The following HERC1 variants were observed in gnomAD, a reference collection of about 807,000 sequenced individuals.
The protein encoded by HERC1 is probable E3 ubiquitin-protein ligase HERC1.
HERC1 carries 160 observed loss-of-function variants against 554.3 expected under a neutral mutation model. The observed-to-expected ratio is 0.29, with a 90% CI of 0.25 to 0.33. HERC1 has a LOEUF of 0.33. Among genes scored for constraint, HERC1 ranks in the 10% least tolerant of loss-of-function variants. The pLI is 1.00. For missense variants in HERC1, 4,919 were observed against 5,918.5 expected, an observed-to-expected ratio of 0.83 and a Z score of 5.54; for synonymous variants, 2,175 against 2,131.7, an observed-to-expected ratio of 1.02 and a Z score of -0.56.
At chr15:63,673,036 AACT>A (rs2071016394) in intron 38 of HERC1, among the ~76,000 whole-genome samples, 1 of 152,190 alleles carries the variant, frequency 6.6e-6, no homozygotes, top group Non-Finnish European at 1.5e-5. Context: ...CAATCATTAA[AACT>A]GTGTTTCCTT....
Position 63,674,681 on chromosome 15 carries a change from T to C in HERC1, c.7507A>G (p.Ile2503Val), listed in dbSNP as rs534105114. 3 of 1,613,866 alleles carry C rather than the reference T, an allele frequency of 1.9e-6. No individual in the cohort carries two copies. The highest frequency in any genetic ancestry group is 1.6e-4 in the Middle Eastern group (1 of 6,062). ...SKNHDVAQSEIRAVQLSYLYL... is the reference protein window; with the variant it reads ...SKNHDVAQSEVRAVQLSYLYL... ...AGATAGGACAGCTGGACTGCTCTGA[T>C]TTCTGACTGGGCTACATCATGGTTT... is the stretch of plus-strand genomic sequence containing the variant. The change falls in exon 38 of 78, where the codon ATC (isoleucine) becomes GTC (valine). Residue 2503 changes from isoleucine (I) to valine (V), a missense_variant. Physicochemically the swap from Ile to Val is conservative, Grantham distance 29. Transcript: ENST00000443617.
chr15:63,684,673 G>A (rs2071651475), intron 34 of HERC1, among the ~76,000 whole-genome samples: 1 of 152,116 alleles, frequency 6.6e-6, no homozygotes, highest in South Asian at 2.1e-4. Flanking sequence ...CTGTTTTTCA[G>A]AACTGTTCCT....
At chr15:63,799,585 T>A (rs1184081259) in intron 1 of HERC1, among the ~76,000 whole-genome samples, 1 of 151,968 alleles carries the variant, frequency 6.6e-6, no homozygotes, top group Non-Finnish European at 1.5e-5. Flanking sequence ...ACAAAACCCC[T>A]GGAAGAAAAT....
intron 24 of HERC1, among the ~76,000 whole-genome samples, chr15:63,709,628 T>A (rs145971585): frequency 3.9e-5 from 6 of 152,224 alleles, no homozygotes; most frequent in African/African-American, 1.4e-4. Flanking sequence ...TCAGATTTCA[T>A]AGCTGATTTC....
Position 63,633,923 on chromosome 15 carries a change from G to A in HERC1, c.12618C>T (p.Ser4206=). The A allele has an allele frequency of 1.9e-6, 3 of 1,613,850 alleles. No individual in the cohort carries two copies. The highest frequency in any genetic ancestry group is 2.5e-6 in the Non-Finnish European group (3 of 1,179,826). ...CTCCATCTCCAAAAGCCCACACCATGGAACCATCTGCTGACACTGCCAAAG... is the reference window on the plus strand; with the variant it reads ...CTCCATCTCCAAAAGCCCACACCATAGAACCATCTGCTGACACTGCCAAAG... ...NHTLAVSADG[S]MVWAFGDGDY... Residue 4206 remains serine, a synonymous_variant, in exon 67 of 78, where the codon TCC becomes TCT. Coordinates refer to ENST00000443617, the MANE Select transcript of HERC1 (RefSeq NM_003922.4).
chr15:63,689,450 GGAAAGGGAGACAGAATGCCAA>G, intron 33 of HERC1, 118 bp downstream of exon 33: 1 of 576,072 alleles, frequency 1.7e-6, no homozygotes, highest in Non-Finnish European at 3.1e-6. Context: ...GGGAATCAGT[GGAAAGGGAGACAGAATGCCAA>G]GAGAGGAAAT....
chr15:63,721,865 G>A (rs533354129), intron 19 of HERC1, among the ~76,000 whole-genome samples: 1 of 152,100 alleles, frequency 6.6e-6, no homozygotes, highest in Non-Finnish European at 1.5e-5. Context: ...CTTTGTTGTT[G>A]TTGCTTGTTT....
intron 37 of HERC1, among the ~76,000 whole-genome samples, chr15:63,675,654 C>G (rs1365897593): frequency 1.3e-5 from 2 of 152,206 alleles, no homozygotes; most frequent in East Asian, 1.9e-4. Context: ...AAAAAGTTTA[C>G]TTTGTAGTCT....
chr15:63,680,801 T>C lies in HERC1; in HGVS notation c.6226-25A>G. 1 of 1,545,550 alleles carries C rather than the reference T, an allele frequency of 6.5e-7. No individual in the cohort carries two copies. The highest frequency in any genetic ancestry group is 8.9e-7 in the Non-Finnish European group (1 of 1,118,264). On this transcript the variant is annotated intron_variant, in intron 34 of 77. Transcript: ENST00000443617. The surrounding 1 kb of genome is among the most constrained non-coding windows in gnomAD (Gnocchi z 5.8). ...ACTAAAATAAAAGTGGGATATTCAT[T>C]AATACTCAAAAAATCTATTTATATA...
In HERC1 at chr15:63,720,103, C is replaced by CTTTTTTTTTTTTT. The variant is rs573648232; in HGVS notation, c.3743-1219_3743-1207dup. On this transcript the variant is annotated intron_variant, in intron 19 of 77. Transcript: ENST00000443617. ...GGACTAGTCAGGTGCTTTTTCTTCC[C>CTTTTTTTTTTTTT]TTTTTTTTTTTTTTTAAGAGACAGG... 3.4e-3 allele frequency among the ~76,000 whole-genome samples: 245 copies of CTTTTTTTTTTTTT among 71,564 alleles called. 62 individuals are homozygous for CTTTTTTTTTTTTT. Among genetic ancestry groups the CTTTTTTTTTTTTT allele is most frequent in the African/African-American group, 0.013 (215 of 16,582 alleles). The allele number at this position is 71,564 out of a possible 152,430, so 46.9% of individuals were successfully genotyped here. A position where few individuals can be genotyped will look rare whatever the true frequency, so the allele number is the denominator to read the frequency against.
At chr15:63,772,128 A>C (rs1264326768) in intron 2 of HERC1, among the ~76,000 whole-genome samples, 2 of 152,082 alleles carry the variant, frequency 1.3e-5, no homozygotes, top group African/African-American at 4.8e-5. Flanking sequence ...ATCTCAAAAA[A>C]AAAAAGGGAA....
chr15:63,661,280 C>A (rs2070344005), intron 45 of HERC1, among the ~76,000 whole-genome samples: 1 of 152,202 alleles, frequency 6.6e-6, no homozygotes, highest in Non-Finnish European at 1.5e-5. Flanking sequence ...TAACCAAATT[C>A]TATTCCATAA....
In HERC1 at chr15:63,608,758, T is replaced by A. The variant is rs182252541; in HGVS notation, c.*323A>T. 4.7e-6 allele frequency: 1 copy of A among 213,080 alleles called. No homozygotes were observed. Among genetic ancestry groups the A allele is most frequent in the South Asian group, 9.0e-5 (1 of 11,050 alleles). The allele number at this position is 213,080 out of a possible 1,614,324, so 13.2% of individuals were successfully genotyped here. A position where few individuals can be genotyped will look rare whatever the true frequency, so the allele number is the denominator to read the frequency against. The stretch of plus-strand genomic sequence containing the variant: ...TTATACACAATGTACAATTTCATGT[T>A]CACTGGGTGGATTTACAAAAATGTA... On this transcript the variant is annotated 3_prime_UTR_variant, in exon 78 of 78. Coordinates refer to ENST00000443617, the MANE Select transcript of HERC1 (RefSeq NM_003922.4).
At chr15:63,744,110 CTGTGTGTGTGTGTGTGTGTGTG>C (rs142936354) in intron 12 of HERC1, among the ~76,000 whole-genome samples, 157 of 93,420 alleles carry the variant, frequency 1.7e-3, no homozygotes, top group African/African-American at 6.8e-3. Flanking sequence ...CCCAAACAGA[CTGTGTGTGTGTGTGTGTGTGTG>C]TGTGTGTGTG....
chr15:63,791,700 A>T (rs919920005), intron 1 of HERC1, among the ~76,000 whole-genome samples: 13 of 152,208 alleles, frequency 8.5e-5, no homozygotes, highest in African/African-American at 3.1e-4. Flanking sequence ...TTCGATGTCT[A>T]AATGTTTTAA....
chr15:63,786,884 T>C (rs2076465131), intron 1 of HERC1, among the ~76,000 whole-genome samples: 1 of 152,146 alleles, frequency 6.6e-6, no homozygotes, highest in African/African-American at 2.4e-5. Context: ...AGATGGTTAA[T>C]TGTACGTGAT....
In HERC1 at chr15:63,689,612, T is replaced by G; in HGVS notation, c.6025A>C (p.Lys2009Gln). The change falls in exon 33 of 78, where the codon AAA (lysine) becomes CAA (glutamine). Residue 2009 changes from lysine (K) to glutamine (Q), a missense_variant. By Grantham distance (53) the Lys-to-Gln change is moderately conservative. Around this residue, in one of 11 missense-constraint regions of HERC1, gnomAD observed 1,121 missense variants for 1,244.0 expected, o/e 0.90. Transcript: ENST00000443617. ...ACCTGTAGTTTTATTTCTTGTTCTT[T>G]TTCCTTTATCTGAATAGCATGTTTG... ...QAKHAIQIKE[K>Q]EQEIKLQKQG... The G allele has an allele frequency of 6.4e-7, 1 of 1,564,406 alleles. No homozygotes were observed. Among genetic ancestry groups the G allele is most frequent in the Non-Finnish European group, 8.7e-7 (1 of 1,152,394 alleles).
chr15:63,631,178 C>A (rs751562058), intron 68 of HERC1, among the ~76,000 whole-genome samples: 1 of 152,176 alleles, frequency 6.6e-6, no homozygotes, highest in African/African-American at 2.4e-5. Context: ...AATGAGAGAT[C>A]ATTCAACTTG....
At position 63,634,707 on chromosome 15, in the gene HERC1, G is replaced by A. The variant is rs538142112; in HGVS notation, c.12570+26C>T. Reference sequence around the variant, plus strand: ...AGAAATGAGAAACAATGATCAGCTAGAATATCTTATTGATTTATTCCATGC... The same window carrying A: ...AGAAATGAGAAACAATGATCAGCTAAAATATCTTATTGATTTATTCCATGC... On this transcript the variant is annotated intron_variant, in intron 66 of 77. Coordinates refer to ENST00000443617, the MANE Select transcript of HERC1 (RefSeq NM_003922.4). 9 of 1,592,120 alleles carry A rather than the reference G, an allele frequency of 5.7e-6. No homozygotes were observed. The East Asian group carries it at 2.0e-4, about 36-fold the overall frequency.
Sources: gnomAD v4.1 joint callset for allele counts (sites outside exome capture counted in the v4.1 genomes callset) on GRCh38, gnomAD v4.1.1 for gene constraint, gnomAD v4.1.1 regional missense constraint, Gnocchi (gnomAD v3.1) non-coding constraint, MANE v1.5 for transcripts, NCBI Gene and HGNC (gene_info 2026-07-23, HGNC 2026-07-21) for gene names.